PTPRN2: variants seen among roughly 807,000 people sequenced by gnomAD.
The protein encoded by PTPRN2 is protein tyrosine phosphatase receptor type N2, also known as receptor-type tyrosine-protein phosphatase N2.
PTPRN2 carries 74 observed loss-of-function variants against 118.8 expected under a neutral mutation model. That is an observed-to-expected ratio of 0.62 (90% CI 0.52 to 0.76). The LOEUF (loss-of-function observed/expected upper bound fraction) is 0.76. PTPRN2 is among the 30% of genes least tolerant of loss of function. PTPRN2 has a pLI of 0.00. For missense variants in PTPRN2, 1,481 were observed against 1,394.4 expected (o/e 1.06, Z -0.99); for synonymous variants, 641 against 608.0 (o/e 1.05, Z -0.80).
chr7:158,410,308 G>T (rs1182180676), intron 2 of PTPRN2, among the ~76,000 whole-genome samples: 1 of 152,188 alleles, frequency 6.6e-6, no homozygotes, highest in Non-Finnish European at 1.5e-5. Context: ...TCATCCCGAA[G>T]GCAGGAGATG....
intron 2 of PTPRN2, among the ~76,000 whole-genome samples, chr7:158,389,605 CAAGA>C (rs1335416705): frequency 2.0e-5 from 3 of 152,218 alleles, no homozygotes; most frequent in Non-Finnish European, 4.4e-5. Context: ...GATCAATACA[CAAGA>C]AAGGTACATT....
chr7:158,036,098 T>C (rs904724385), intron 11 of PTPRN2, among the ~76,000 whole-genome samples: 2 of 151,964 alleles, frequency 1.3e-5, no homozygotes, highest in African/African-American at 2.4e-5. Flanking sequence ...GTCAAAATTA[T>C]CCAGAAAGGA....
chr7:158,036,651 T>C (rs1324555829), intron 11 of PTPRN2, among the ~76,000 whole-genome samples: 1 of 152,096 alleles, frequency 6.6e-6, no homozygotes, highest in African/African-American at 2.4e-5. Flanking sequence ...TACTAAGAGA[T>C]TAAAGGGAGA....
intron 3 of PTPRN2, among the ~76,000 whole-genome samples, chr7:158,311,860 CTCATGTGTAG>C (rs1428111490): frequency 1.3e-5 from 2 of 151,946 alleles, no homozygotes; most frequent in African/African-American, 4.8e-5. Context: ...CACTCACATG[CTCATGTGTAG>C]ACACCCACAC....
intron 2 of PTPRN2, among the ~76,000 whole-genome samples, chr7:158,475,562 G>A (rs950697169): frequency 5.3e-5 from 8 of 151,886 alleles, no homozygotes; most frequent in Non-Finnish European, 5.9e-5. Flanking sequence ...GGGCACGCCC[G>A]CCTCCACCCC....
At chr7:158,234,650 G>A (rs1288687144) in intron 3 of PTPRN2, among the ~76,000 whole-genome samples, 1 of 150,674 alleles carries the variant, frequency 6.6e-6, no homozygotes, top group African/African-American at 2.4e-5. Flanking sequence ...AAAACATATA[G>A]GTGGTAAACA....
chr7:157,722,949 G>A (rs575258397), intron 12 of PTPRN2, among the ~76,000 whole-genome samples: 14 of 152,286 alleles, frequency 9.2e-5, no homozygotes, highest in Middle Eastern at 3.4e-3. Flanking sequence ...ACAGCCCACC[G>A]CCAGCAGGGC....
chr7:158,147,357 T>TGTCTTTCCCCCTC (rs1563511228), intron 6 of PTPRN2, among the ~76,000 whole-genome samples: 1 of 54,776 alleles, frequency 1.8e-5, no homozygotes, highest in African/African-American at 1.3e-4. Flanking sequence ...TCACGCCACG[T>TGTCTTTCCCCCTC]ATCTTTCCCC....
intron 9 of PTPRN2, among the ~76,000 whole-genome samples, chr7:158,129,138 A>G (rs1817944264): frequency 6.6e-6 from 1 of 151,476 alleles, no homozygotes; most frequent in African/African-American, 2.4e-5. Context: ...CACACCACAC[A>G]CTACACACAT....
intron 2 of PTPRN2, among the ~76,000 whole-genome samples, chr7:158,375,429 G>T (rs1185879726): frequency 6.6e-6 from 1 of 152,226 alleles, no homozygotes; most frequent in Non-Finnish European, 1.5e-5. Flanking sequence ...CAAGCTCCTG[G>T]TGTGGCCAAA....
intron 11 of PTPRN2, among the ~76,000 whole-genome samples, chr7:157,946,151 A>G (rs562433723): frequency 1.3e-5 from 2 of 152,312 alleles, no homozygotes; most frequent in South Asian, 4.1e-4. Flanking sequence ...GTGAGGCAGG[A>G]TAATACGGTC....
rs1795587934 is a variant in PTPRN2, at chr7:157,874,448, A to T, written c.1788+24225T>A. 6.6e-6 allele frequency among the ~76,000 whole-genome samples: 1 copy of T among 152,166 alleles called. No homozygotes were observed. ...CCCGATCCTGCCTCTGCTTCTGTCC[A>T]CATGGCCCCAGCCACAGTGCCTTCC... On this transcript the variant is annotated intron_variant, in intron 12 of 22. Coordinates refer to ENST00000389418, the MANE Select transcript of PTPRN2 (RefSeq NM_002847.5). This position sits in a 1 kb window ranked among gnomAD's most constrained non-coding sequence, Gnocchi z 5.8.
At chr7:157,612,828 C>T (rs1349617888) in intron 15 of PTPRN2, among the ~76,000 whole-genome samples, 1 of 152,172 alleles carries the variant, frequency 6.6e-6, no homozygotes, top group African/African-American at 2.4e-5. Flanking sequence ...GGTCAAAGGG[C>T]ATCCACAGAG....
chr7:157,741,949 G>A (rs893168892), intron 12 of PTPRN2, among the ~76,000 whole-genome samples: 17 of 152,308 alleles, frequency 1.1e-4, no homozygotes, highest in Non-Finnish European at 1.8e-4. Flanking sequence ...TTGTGTCAAC[G>A]ACGAACCAAT....
intron 5 of PTPRN2, among the ~76,000 whole-genome samples, chr7:158,183,775 G>A (rs955444343): frequency 1.3e-5 from 2 of 152,126 alleles, no homozygotes; most frequent in African/African-American, 4.8e-5. Context: ...TCTTTGCTTG[G>A]CTCACAGTGT....
intron 12 of PTPRN2, among the ~76,000 whole-genome samples, chr7:157,847,745 C>A (rs1196393382): frequency 2.8e-5 from 4 of 144,776 alleles, no homozygotes; most frequent in Non-Finnish European, 6.0e-5. Context: ...ACAGAGCCCT[C>A]TCTCACTCCA....
Position 158,003,444 on chromosome 7 carries a change from G to A in PTPRN2, c.1723+77854C>T, listed in dbSNP as rs192557951. On this transcript the variant is annotated intron_variant, in intron 11 of 22. Transcript: ENST00000389418. This position sits in a 1 kb window ranked among gnomAD's most constrained non-coding sequence, Gnocchi z 5.0. ...AAAAAAAAAAAAAAAATGAGGTCCTGAGGGGGCCCCAATCCAATAGGACCT... is the reference window on the plus strand; with the variant it reads ...AAAAAAAAAAAAAAAATGAGGTCCTAAGGGGGCCCCAATCCAATAGGACCT... Among the ~76,000 whole-genome samples the A allele has an allele frequency of 3.9e-3, 581 of 150,826 alleles. No homozygotes were observed. The highest frequency in any genetic ancestry group is 0.013 in the African/African-American group (539 of 40,950).
At chr7:157,667,270 C>A (rs1341156495) in intron 13 of PTPRN2, among the ~76,000 whole-genome samples, 1 of 128,016 alleles carries the variant, frequency 7.8e-6, no homozygotes, top group South Asian at 2.7e-4. Flanking sequence ...CTGGCTTGCA[C>A]ACTCGGCCCG....
intron 3 of PTPRN2, among the ~76,000 whole-genome samples, chr7:158,250,563 C>T (rs180887431): frequency 3.3e-5 from 5 of 151,978 alleles, no homozygotes; most frequent in Admixed American, 6.6e-5. Context: ...CACACACACA[C>T]GTACACACAC....
Sources: gnomAD v4.1 joint callset for allele counts (sites outside exome capture counted in the v4.1 genomes callset) on GRCh38, gnomAD v4.1.1 for gene constraint, Gnocchi (gnomAD v3.1) non-coding constraint, MANE v1.5 for transcripts, NCBI Gene and HGNC (gene_info 2026-07-23, HGNC 2026-07-21) for gene names.